Variants in LYSMD4 observed in about 807,000 individuals in gnomAD.
LYSMD4 encodes the protein lysM and putative peptidoglycan-binding domain-containing protein 4.
Under a neutral mutation model 6.1 loss-of-function variants are expected in LYSMD4, and 9 were observed. The ratio of observed to expected loss-of-function variants is 1.47; its 90% confidence interval spans 0.88 to 2.56. The LOEUF is 2.56. Ranked by LOEUF, LYSMD4 falls within the 30% of genes most tolerant of loss-of-function variation. The pLI is 0.00. For synonymous variants in LYSMD4, 143 were observed against 148.5 expected, an observed-to-expected ratio of 0.96 and a Z score of 0.27; for missense variants, 384 against 373.5, an observed-to-expected ratio of 1.03 and a Z score of -0.23.
exon 1 of LYSMD4, chr15:99,716,528 C>T (rs773791873): frequency 3.9e-5 from 18 of 456,814 alleles, no homozygotes; most frequent in African/African-American, 3.6e-4. Context: ...ACACAAGGCG[C>T]TGGCTTTGCC....
At chr15:99,725,777 T>C (rs1028449163), downstream of LYSMD4, among the ~76,000 whole-genome samples, 1 of 152,188 alleles carries the variant, frequency 6.6e-6, no homozygotes, top group African/African-American at 2.4e-5. Flanking sequence ...CCCCATGTTC[T>C]GTGAGCCTGG....
chr15:99,725,717 T>C (rs142438459), downstream of LYSMD4, among the ~76,000 whole-genome samples: 89 of 152,242 alleles, frequency 5.8e-4, no homozygotes, highest in African/African-American at 2.0e-3. Context: ...CAGTAGAAAT[T>C]TTCTCTGCTG....
At chr15:99,720,179 T>TA (rs2059227602), upstream of LYSMD4, among the ~76,000 whole-genome samples, 1 of 152,252 alleles carries the variant, frequency 6.6e-6, no homozygotes, top group Non-Finnish European at 1.5e-5. Context: ...GATTTTGAGT[T>TA]ACATTTGGAA....
At chr15:99,718,279 T>A (rs528305023), upstream of LYSMD4, among the ~76,000 whole-genome samples, 3 of 152,226 alleles carry the variant, frequency 2.0e-5, no homozygotes, top group Non-Finnish European at 4.4e-5. Flanking sequence ...AGAAATGGTA[T>A]GTCCCTAATG....
downstream of LYSMD4, among the ~76,000 whole-genome samples, chr15:99,724,803 G>A (rs192591813): frequency 6.6e-6 from 1 of 152,332 alleles, no homozygotes; most frequent in Admixed American, 6.5e-5. Context: ...CTCCTCACTG[G>A]CACTGTGGTG....
exon 2 of LYSMD4, chr15:99,716,499 CTG>C (rs1436317511): frequency 4.4e-6 from 2 of 456,856 alleles, no homozygotes; most frequent in Admixed American, 2.3e-5. Flanking sequence ...CGTCGAGACT[CTG>C]TCATGTTTGC....
chr15:99,725,280 C>T (rs1357850131), downstream of LYSMD4, among the ~76,000 whole-genome samples: 1 of 152,092 alleles, frequency 6.6e-6, no homozygotes, highest in Non-Finnish European at 1.5e-5. Context: ...AATTGTATTT[C>T]CATTATCTCA....
chr15:99,718,075 C>T (rs1273405829), upstream of LYSMD4, among the ~76,000 whole-genome samples: 6 of 152,204 alleles, frequency 3.9e-5, no homozygotes, highest in African/African-American at 1.2e-4. Context: ...TTGAATCTCC[C>T]CATTTTTTCC....
At chr15:99,726,168 T>TC (rs1555507908), downstream of LYSMD4, among the ~76,000 whole-genome samples, 29 of 146,246 alleles carry the variant, frequency 2.0e-4, no homozygotes, top group African/African-American at 7.1e-4. Flanking sequence ...TTTTTTTTTT[T>TC]CCCGCCTGAG....
downstream of LYSMD4, among the ~76,000 whole-genome samples, chr15:99,722,459 A>T (rs1003103880): frequency 1.3e-5 from 2 of 152,198 alleles, no homozygotes; most frequent in African/African-American, 4.8e-5. Context: ...AAGACAACAA[A>T]ATCCAGCATC....
chr15:99,729,057 C>T lies in LYSMD4; in HGVS notation c.*66G>A. The T allele has an allele frequency of 6.3e-7, 1 of 1,585,866 alleles. No homozygotes were observed. The highest frequency in any genetic ancestry group is 8.6e-7 in the Non-Finnish European group (1 of 1,163,526). ...AAAATGCAGCACCCCTAGGACATCG[C>T]CAGTGACAGCTGAGGCACATCAACA... On this transcript the variant is annotated 3_prime_UTR_variant, in exon 3 of 3. Coordinates refer to ENST00000684762, the MANE Select transcript of LYSMD4 (RefSeq NM_001284417.2).
Position 99,731,890 on chromosome 15 carries a change from T to G in LYSMD4, c.110A>C (p.Asp37Ala), listed in dbSNP as rs780048430. 6.2e-7 allele frequency: 1 copy of G among 1,613,046 alleles called. No individual in the cohort carries two copies. The highest frequency in any genetic ancestry group is 2.2e-5 in the East Asian group (1 of 44,868). Residue 37 changes from aspartate (D) to alanine (A), a missense_variant, in exon 2 of 3, where the codon GAC becomes GCC. By Grantham distance (126) the Asp-to-Ala change is moderately radical (BLOSUM62 -2). Coordinates refer to ENST00000684762, the MANE Select transcript of LYSMD4 (RefSeq NM_001284417.2). ...ACGGTGAGACTCTTCTTCAGAAGAG[T>G]CCCCCGAGTCCCCACTGCCATTCTT... ...MFKNGSGDSG[D>A]SSEEESHRVV...
chr15:99,720,083 T>C (rs146997258), upstream of LYSMD4, among the ~76,000 whole-genome samples: 2,389 of 152,342 alleles, frequency 0.016, 31 homozygotes, highest in Non-Finnish European at 0.027. Context: ...CTTTGGTGTG[T>C]GTGCTATGAA....
At chr15:99,719,644 TC>T (rs1169544352), upstream of LYSMD4, among the ~76,000 whole-genome samples, 10 of 152,340 alleles carry the variant, frequency 6.6e-5, no homozygotes, top group African/African-American at 2.4e-4. Context: ...TTTAGGCTGT[TC>T]CCAATATTCT....
At chr15:99,726,880 C>T (rs542087954), downstream of LYSMD4, among the ~76,000 whole-genome samples, 8 of 152,244 alleles carry the variant, frequency 5.3e-5, no homozygotes, top group Admixed American at 1.3e-4. Flanking sequence ...AGCCTGTATA[C>T]AGATCAATCA....
chr15:99,726,192 C>CCCAGATCTCGG (rs1313582369), downstream of LYSMD4, among the ~76,000 whole-genome samples: 25 of 119,860 alleles, frequency 2.1e-4, no homozygotes, highest in African/African-American at 7.4e-4. Flanking sequence ...CGCTTTATCT[C>CCCAGATCTCGG]CCAGATCTCG....
chr15:99,732,009 T>C lies in LYSMD4; in HGVS notation c.-8-2A>G. ...ATTCCTCGTGCCTCATTTTCTTCACTGAAAATCAAGCCGGAGGGTTAATTC... is the reference window on the plus strand; with the variant it reads ...ATTCCTCGTGCCTCATTTTCTTCACCGAAAATCAAGCCGGAGGGTTAATTC... On this transcript the variant is annotated splice_acceptor_variant, in intron 1 of 2. Coordinates refer to ENST00000684762, the MANE Select transcript of LYSMD4 (RefSeq NM_001284417.2). LOFTEE classifies it low-confidence loss of function (5UTR_SPLICE). 1 of 1,548,124 alleles carries C rather than the reference T, an allele frequency of 6.5e-7. No homozygotes were observed. The highest frequency in any genetic ancestry group is 8.8e-7 in the Non-Finnish European group (1 of 1,141,612).
downstream of LYSMD4, among the ~76,000 whole-genome samples, chr15:99,725,138 C>T (rs545324287): frequency 1.4e-4 from 17 of 119,854 alleles, no homozygotes; most frequent in African/African-American, 3.2e-4. Context: ...CCTTTCCTGA[C>T]GGTCTCTGTT....
At position 99,728,824 on chromosome 15, in the gene LYSMD4, T is replaced by C; in HGVS notation, c.*299A>G. ...ATCTTTCCCTCCGAGCACGTCCAACTTGGGGGTCCTCACAGTGCTGCTATG... is the reference window on the plus strand; with the variant it reads ...ATCTTTCCCTCCGAGCACGTCCAACCTGGGGGTCCTCACAGTGCTGCTATG... On this transcript the variant is annotated 3_prime_UTR_variant, in exon 3 of 3. Coordinates refer to ENST00000684762, the MANE Select transcript of LYSMD4 (RefSeq NM_001284417.2). 2.6e-6 allele frequency: 1 copy of C among 389,156 alleles called. No individual in the cohort carries two copies. The allele number at this position is 389,156 out of a possible 1,614,324, so 24.1% of individuals were successfully genotyped here.
Sources: allele counts gnomAD v4.1 joint callset (sites outside exome capture counted in the v4.1 genomes callset), GRCh38; gene constraint gnomAD v4.1.1; transcripts MANE v1.5; gene names NCBI Gene and HGNC (gene_info 2026-07-23, HGNC 2026-07-21).